Variants in SLC17A8 observed in about 807,000 individuals in gnomAD.
SLC17A8 encodes the protein solute carrier family 17 member 8.
Under a neutral mutation model 58.0 loss-of-function variants are expected in SLC17A8, and 31 were observed. The ratio of observed to expected loss-of-function variants is 0.53; its 90% CI spans 0.40 to 0.72. The LOEUF (loss-of-function observed/expected upper bound fraction) is 0.72, where lower values mean the gene tolerates loss of function less well. Ranked by LOEUF, SLC17A8 falls within the 30% of genes least tolerant of loss-of-function variation. SLC17A8 has a pLI of 0.00. For synonymous variants in SLC17A8, 228 were observed against 249.0 expected, an observed-to-expected ratio of 0.92 and a Z score of 0.79; for missense variants, 655 against 727.8, an observed-to-expected ratio of 0.90 and a Z score of 1.15.
chr12:100,411,947 C>G (rs1952871280), intron 9 of SLC17A8, among the ~76,000 whole-genome samples: 1 of 149,994 alleles, frequency 6.7e-6, no homozygotes. Flanking sequence ...TTGTTTGTTT[C>G]TTTGTTTGTT....
At chr12:100,395,361 G>A (rs116861430) in intron 4 of SLC17A8, among the ~76,000 whole-genome samples, 1,940 of 144,218 alleles carry the variant, frequency 0.013, 18 homozygotes, top group Non-Finnish European at 0.021. Flanking sequence ...GAGTCTCACT[G>A]TGTCACCGAG....
At chr12:100,413,477 G>T (rs576023659) in intron 10 of SLC17A8, among the ~76,000 whole-genome samples, 43 of 152,220 alleles carry the variant, frequency 2.8e-4, no homozygotes, top group Non-Finnish European at 2.1e-4. Context: ...TATTCCATGA[G>T]ATCTGCATAT....
At chr12:100,365,326 A>G (rs1253569439) in intron 1 of SLC17A8, among the ~76,000 whole-genome samples, 1 of 152,128 alleles carries the variant, frequency 6.6e-6, no homozygotes, top group African/African-American at 2.4e-5. Context: ...CTAAGGCTCT[A>G]TGCTATATTT....
chr12:100,412,647 AGAC>A, intron 9 of SLC17A8, 120 bp from the exon 10 acceptor site: 1 of 693,022 alleles, frequency 1.4e-6, no homozygotes, highest in Non-Finnish European at 2.6e-6. Flanking sequence ...AAAAAAACAT[AGAC>A]ACAAACAAAA....
intron 3 of SLC17A8, 97 bp from the exon 4 acceptor site, chr12:100,393,272 G>T: frequency 1.2e-6 from 1 of 810,742 alleles, no homozygotes; most frequent in Non-Finnish European, 2.1e-6. Context: ...TTTCCACAGG[G>T]ATCTTTCATG....
intron 1 of SLC17A8, among the ~76,000 whole-genome samples, chr12:100,361,142 C>T (rs1952481504): frequency 6.6e-6 from 1 of 152,194 alleles, no homozygotes. Context: ...AACTTGGCTG[C>T]AATGGGGTGA....
Position 100,418,011 on chromosome 12 carries a change from G to A in SLC17A8, c.1298-18G>A, listed in dbSNP as rs749422532. 1.2e-6 allele frequency: 2 copies of A among 1,614,168 alleles called. No homozygotes were observed. Among genetic ancestry groups the A allele is most frequent in the African/African-American group, 2.7e-5 (2 of 75,038 alleles). On this transcript the variant is annotated intron_variant, in intron 10 of 11. Coordinates refer to ENST00000323346, the MANE Select transcript of SLC17A8 (RefSeq NM_139319.3). ...TTCTGTTCTTGACTCTGATTTTGAG[G>A]TTTTGGCTTCACTGTAGGTTTTAAT... is the stretch of plus-strand genomic sequence containing the variant.
chr12:100,373,578 T>C (rs1019052053), intron 1 of SLC17A8, among the ~76,000 whole-genome samples: 1 of 23,560 alleles, frequency 4.2e-5, no homozygotes, highest in Non-Finnish European at 6.3e-5. Flanking sequence ...AATCAGTGAC[T>C]TTTTTTTTTT....
At chr12:100,404,193 C>T (rs1400767328) in intron 9 of SLC17A8, 23 bp downstream of exon 9, 7 of 1,613,902 alleles carry the variant, frequency 4.3e-6, no homozygotes, top group Non-Finnish European at 5.1e-6. Flanking sequence ...TCATAGATGG[C>T]TTAGGCAGCT....
chr12:100,394,013 G>C (rs1349409248), intron 4 of SLC17A8, among the ~76,000 whole-genome samples: 1 of 152,186 alleles, frequency 6.6e-6, no homozygotes, highest in African/African-American at 2.4e-5. Context: ...AATGGGCATG[G>C]CTACGTTCCA....
chr12:100,397,132 T>C (rs1593001062), intron 5 of SLC17A8, among the ~76,000 whole-genome samples: 1 of 151,362 alleles, frequency 6.6e-6, no homozygotes, highest in South Asian at 2.1e-4. Context: ...TCTTCAGGAG[T>C]GAAGGGGAAG....
At chr12:100,387,338 C>T (rs963503365) in intron 2 of SLC17A8, among the ~76,000 whole-genome samples, 4 of 152,134 alleles carry the variant, frequency 2.6e-5, no homozygotes, top group Non-Finnish European at 4.4e-5. Context: ...ATTTGCATTT[C>T]CCTGATGGTT....
At chr12:100,372,857 G>A (rs937187070) in intron 1 of SLC17A8, among the ~76,000 whole-genome samples, 4 of 152,096 alleles carry the variant, frequency 2.6e-5, no homozygotes, top group African/African-American at 4.8e-5. Flanking sequence ...GAGCCACCAC[G>A]CCCAGCCAGT....
At position 100,391,127 on chromosome 12, in the gene SLC17A8, A is replaced by G; in HGVS notation, c.473+8A>G. ...CAAGTTTGCTGCTAACAGGTAAGAT[A>G]AATTGATATAACATGATACAAACCA... On this transcript the variant is annotated splice_region_variant and intron_variant, in intron 3 of 11. Coordinates refer to ENST00000323346, the MANE Select transcript of SLC17A8 (RefSeq NM_139319.3). The G allele has an allele frequency of 1.3e-6, 2 of 1,535,676 alleles. No individual in the cohort carries two copies. The highest frequency in any genetic ancestry group is 1.8e-6 in the Non-Finnish European group (2 of 1,108,630).
In SLC17A8 at chr12:100,393,405, G is replaced by C; in HGVS notation, c.510G>C (p.Leu170=). ...FGAAIFLTST[L]NMFIPSAARV... ...CTGCCATCTTCTTAACATCGACTCT[G>C]AACATGTTTATTCCCTCTGCAGCCA... Residue 170 remains leucine, a synonymous_variant, in exon 4 of 12, where the codon CTG becomes CTC. Coordinates refer to ENST00000323346, the MANE Select transcript of SLC17A8 (RefSeq NM_139319.3). 6.2e-7 allele frequency: 1 copy of C among 1,613,772 alleles called. No individual in the cohort carries two copies. The highest frequency in any genetic ancestry group is 8.5e-7 in the Non-Finnish European group (1 of 1,179,794).
At chr12:100,375,604 G>A (rs775779162) in intron 1 of SLC17A8, among the ~76,000 whole-genome samples, 1 of 152,180 alleles carries the variant, frequency 6.6e-6, no homozygotes, top group African/African-American at 2.4e-5. Flanking sequence ...AGCAGCTGGG[G>A]CTGTCTGCAA....
intron 1 of SLC17A8, among the ~76,000 whole-genome samples, chr12:100,371,112 G>A (rs1015566750): frequency 1.3e-5 from 2 of 152,110 alleles, no homozygotes; most frequent in East Asian, 1.9e-4. Context: ...TCTGGGGATC[G>A]TATTTTAAAT....
At chr12:100,416,062 G>GA (rs954182572) in intron 10 of SLC17A8, among the ~76,000 whole-genome samples, 14 of 152,228 alleles carry the variant, frequency 9.2e-5, no homozygotes, top group Admixed American at 9.2e-4. Flanking sequence ...GGCAAGAGAT[G>GA]AGTGATGCCT....
intron 10 of SLC17A8, among the ~76,000 whole-genome samples, chr12:100,413,746 C>G (rs566632944): frequency 6.6e-6 from 1 of 152,130 alleles, no homozygotes; most frequent in Non-Finnish European, 1.5e-5. Context: ...GAGACCGAGA[C>G]GAATGGATCA....
Sources: allele counts gnomAD v4.1 joint callset (sites outside exome capture counted in the v4.1 genomes callset), GRCh38; gene constraint gnomAD v4.1.1; transcripts MANE v1.5; gene names NCBI Gene and HGNC (gene_info 2026-07-23, HGNC 2026-07-21).